Variants in CAST observed in about 807,000 individuals in gnomAD.
CAST encodes the protein MIR583 host.
In CAST, 76 loss-of-function variants were observed where a neutral mutation model predicts 119.6. That is an observed-to-expected ratio of 0.64 (90% confidence interval 0.53 to 0.77). CAST has a LOEUF of 0.77. Among genes scored for constraint, CAST ranks in the 30% least tolerant of loss-of-function variants. CAST has a pLI of 0.00. For synonymous variants in CAST, 319 were observed against 331.6 expected, an observed-to-expected ratio of 0.96 and a Z score of 0.41; for missense variants, 953 against 946.5, an observed-to-expected ratio of 1.01 and a Z score of -0.09.
chr5:96,381,659 C>T, the CAST span, among the ~76,000 whole-genome samples: 5 of 152,174 alleles, frequency 3.3e-5, no homozygotes, highest in Admixed American at 2.0e-4. Context: ...GACTGTTGGA[C>T]GTGGTTACTG....
At chr5:96,744,815 A>G (rs1763413011) in intron 16 of CAST, among the ~76,000 whole-genome samples, 2 of 152,174 alleles carry the variant, frequency 1.3e-5, no homozygotes, top group African/African-American at 2.4e-5. Flanking sequence ...AAAACCACAC[A>G]ATACTCCAGA....
the CAST span, among the ~76,000 whole-genome samples, chr5:96,022,924 A>C: frequency 6.6e-6 from 1 of 152,194 alleles, no homozygotes; most frequent in East Asian, 1.9e-4. Flanking sequence ...CTTTGTTTAA[A>C]GTCAACTGAT....
chr5:96,418,681 C>G, the CAST span, among the ~76,000 whole-genome samples: 1 of 152,136 alleles, frequency 6.6e-6, no homozygotes, highest in Non-Finnish European at 1.5e-5. Context: ...CAAAATGGAG[C>G]CATTCATTTT....
At chr5:96,587,570 C>T (rs1415166945) in intron 1 of CAST, among the ~76,000 whole-genome samples, 3 of 152,112 alleles carry the variant, frequency 2.0e-5, no homozygotes, top group African/African-American at 7.2e-5. Context: ...TTTGTAAAAG[C>T]TATCTTTTTG....
intron 1 of CAST, among the ~76,000 whole-genome samples, chr5:96,603,444 A>AAC (rs1747194881): frequency 6.6e-6 from 1 of 152,170 alleles, no homozygotes; most frequent in South Asian, 2.1e-4. Flanking sequence ...CTAAGACACC[A>AAC]ACACACACAT....
At chr5:96,484,219 G>A in the CAST span, among the ~76,000 whole-genome samples, 1 of 152,028 alleles carries the variant, frequency 6.6e-6, no homozygotes, top group African/African-American at 2.4e-5. Context: ...TTATACCCAA[G>A]GTTGCCATTA....
chr5:96,689,495 CT>C (rs1238060277), intron 2 of CAST, among the ~76,000 whole-genome samples: 12 of 152,202 alleles, frequency 7.9e-5, no homozygotes, highest in African/African-American at 2.9e-4. Context: ...TCTGTAGATT[CT>C]GTAAAGGTAG....
chr5:96,119,572 AGAAT>A, the CAST span, among the ~76,000 whole-genome samples: 1 of 152,196 alleles, frequency 6.6e-6, no homozygotes, highest in African/African-American at 2.4e-5. Context: ...TGTTACTAAA[AGAAT>A]GAGTGACTAT....
chr5:96,161,828 C>G, the CAST span, among the ~76,000 whole-genome samples: 1 of 152,082 alleles, frequency 6.6e-6, no homozygotes. Flanking sequence ...AAATCTTGCT[C>G]TTCTTTTGTG....
chr5:96,083,244 C>T, the CAST span, among the ~76,000 whole-genome samples: 2 of 152,178 alleles, frequency 1.3e-5, no homozygotes, highest in Admixed American at 1.3e-4. Context: ...CTACAGTAAA[C>T]TTTAGTTGCC....
chr5:96,008,035 A>C, the CAST span, among the ~76,000 whole-genome samples: 1 of 152,290 alleles, frequency 6.6e-6, no homozygotes, highest in African/African-American at 2.4e-5. Flanking sequence ...TCTACAAGCC[A>C]GAAAGAGGGC....
chr5:96,029,417 A>G, the CAST span, among the ~76,000 whole-genome samples: 1 of 152,166 alleles, frequency 6.6e-6, no homozygotes, highest in Admixed American at 6.5e-5. Context: ...TTTTATAGAT[A>G]GAATGAAACT....
chr5:96,700,733 G>C (rs766564814), intron 3 of CAST, among the ~76,000 whole-genome samples: 37 of 152,232 alleles, frequency 2.4e-4, no homozygotes, highest in Non-Finnish European at 3.1e-4. Context: ...GGTGGGGGAA[G>C]AGCCCAGGAT....
At chr5:96,432,815 C>T in the CAST span, 91 of 1,537,882 alleles carry the variant, frequency 5.9e-5, no homozygotes, top group Non-Finnish European at 7.6e-5. Context: ...TCCAGTCCCG[C>T]CAGTCCCCTG....
the CAST span, among the ~76,000 whole-genome samples, chr5:96,427,700 C>T: frequency 6.6e-6 from 1 of 152,152 alleles, no homozygotes; most frequent in Non-Finnish European, 1.5e-5. Context: ...ATGCTCTATT[C>T]TGTCCAATTT....
At chr5:96,612,085 T>C (rs1402177652) in intron 1 of CAST, among the ~76,000 whole-genome samples, 1 of 152,190 alleles carries the variant, frequency 6.6e-6, no homozygotes, top group Non-Finnish European at 1.5e-5. Context: ...AGGAATCCCA[T>C]TACCATGTGT....
chr5:96,632,197 T>C (rs1445303572), intron 1 of CAST, among the ~76,000 whole-genome samples: 1 of 151,730 alleles, frequency 6.6e-6, no homozygotes, highest in African/African-American at 2.4e-5. Flanking sequence ...GGGTTGTCTT[T>C]CTGTTTTTGA....
chr5:96,429,259 C>A, the CAST span: 4 of 1,604,506 alleles, frequency 2.5e-6, no homozygotes, highest in African/African-American at 4.0e-5. Context: ...GGCACTCCTT[C>A]GAGACCTTCT....
rs954538361 is a variant in CAST, at chr5:96,747,408, T to G, written c.1332+16T>G. 1 of 1,522,164 alleles carries G rather than the reference T, an allele frequency of 6.6e-7. No homozygotes were observed. Among genetic ancestry groups the G allele is most frequent in the African/African-American group, 1.4e-5 (1 of 73,028 alleles). 94.3% of individuals were successfully genotyped at this position (1,522,164 alleles called of 1,614,324 possible). A position where few individuals can be genotyped will look rare whatever the true frequency, so the allele number is the denominator to read the frequency against. On this transcript the variant is annotated intron_variant, in intron 18 of 31. Coordinates refer to ENST00000675179, the MANE Select transcript of CAST (RefSeq NM_001750.7). ...AAAACCCAAGGTTAGGAAATACATT[T>G]TTTTCTGATACTTAAAGAACAATAG...
Sources: gnomAD v4.1 joint callset for allele counts (sites outside exome capture counted in the v4.1 genomes callset) on GRCh38, gnomAD v4.1.1 for gene constraint, MANE v1.5 for transcripts, NCBI Gene and HGNC (gene_info 2026-07-23, HGNC 2026-07-21) for gene names.